Variants in MOBP observed in about 807,000 individuals in gnomAD.
MOBP encodes myelin-associated oligodendrocyte basic protein.
MOBP carries 5 observed loss-of-function variants against 15.0 expected under a neutral mutation model. That is an observed-to-expected ratio of 0.33 (90% CI 0.17 to 0.70). The LOEUF is 0.70. MOBP is among the 30% of genes least tolerant of loss of function. The pLI, the probability that MOBP is intolerant of heterozygous loss-of-function variation, is 0.67. For synonymous variants in MOBP, 88 were observed against 99.0 expected, an observed-to-expected ratio of 0.89 and a Z score of 0.66; for missense variants, 188 against 257.8, an observed-to-expected ratio of 0.73 and a Z score of 1.85.
chr3:39,514,278 C>T (rs909214923), exon 5 of MOBP: 4 of 152,330 alleles, frequency 2.6e-5, no homozygotes, highest in African/African-American at 9.7e-5. Context: ...GAATTGACTG[C>T]TTTCGAATTG....
intron 2 of MOBP, among the ~76,000 whole-genome samples, chr3:39,493,277 T>C (rs1045765517): frequency 3.3e-5 from 5 of 152,206 alleles, no homozygotes; most frequent in Admixed American, 1.3e-4. Flanking sequence ...AGTGGTTACA[T>C]AGAGCTTAAT....
intron 2 of MOBP, among the ~76,000 whole-genome samples, chr3:39,491,728 G>A (rs1263603882): frequency 6.6e-6 from 1 of 152,174 alleles, no homozygotes; most frequent in African/African-American, 2.4e-5. Context: ...TTGCCAGAGA[G>A]AAGGAGGAAG....
chr3:39,522,135 G>A (rs2043276785), intron 3 of MOBP, among the ~76,000 whole-genome samples: 1 of 152,176 alleles, frequency 6.6e-6, no homozygotes, highest in African/African-American at 2.4e-5. Context: ...CCCTCTAGTG[G>A]AATTCCTGTT....
downstream of MOBP, chr3:39,525,449 G>A (rs1460470316): frequency 6.6e-6 from 1 of 152,166 alleles, no homozygotes; most frequent in East Asian, 1.9e-4. Flanking sequence ...AGAATGTGGA[G>A]GGATGTAAAA....
At chr3:39,485,597 C>G (rs1264180086) in intron 2 of MOBP, among the ~76,000 whole-genome samples, 1 of 152,200 alleles carries the variant, frequency 6.6e-6, no homozygotes, top group African/African-American at 2.4e-5. Flanking sequence ...TCCAAAATAG[C>G]TCTTGTAGAA....
At chr3:39,519,229 T>C (rs1048594642), downstream of MOBP, among the ~76,000 whole-genome samples, 3 of 152,248 alleles carry the variant, frequency 2.0e-5, no homozygotes, top group African/African-American at 7.2e-5. Context: ...TCTTGAATTC[T>C]TTGTGAACAT....
downstream of MOBP, among the ~76,000 whole-genome samples, chr3:39,504,129 C>A (rs1304517930): frequency 6.6e-6 from 1 of 152,158 alleles, no homozygotes; most frequent in Non-Finnish European, 1.5e-5. Context: ...TAAAAAGGCA[C>A]AAGATTAGGC....
chr3:39,472,302 G>A (rs1481163470), intron 1 of MOBP, among the ~76,000 whole-genome samples: 1 of 152,176 alleles, frequency 6.6e-6, no homozygotes, highest in Non-Finnish European at 1.5e-5. Context: ...AGGGCAGTTG[G>A]TTAACCTATT....
downstream of MOBP, among the ~76,000 whole-genome samples, chr3:39,505,173 GC>G (rs1302216205): frequency 2.0e-5 from 3 of 152,178 alleles, no homozygotes; most frequent in Middle Eastern, 3.2e-3. Context: ...TATGTCCTGG[GC>G]CTCTTTTGGT....
chr3:39,508,431 A>G (rs1487086496), intron 4 of MOBP, among the ~76,000 whole-genome samples: 2 of 152,124 alleles, frequency 1.3e-5, no homozygotes, highest in Non-Finnish European at 2.9e-5. Flanking sequence ...CCACTGACCT[A>G]TCTTCTGTCC....
At chr3:39,486,097 C>T (rs1363921358) in intron 2 of MOBP, among the ~76,000 whole-genome samples, 1 of 152,092 alleles carries the variant, frequency 6.6e-6, no homozygotes, top group African/African-American at 2.4e-5. Context: ...AAAAGAGTCT[C>T]TATGATTTGC....
rs919348144 is a variant in MOBP at position 39,521,021 on chromosome 3, A to G, written c.*259-3222A>G. Among the ~76,000 whole-genome samples the G allele has an allele frequency of 2.0e-5, 3 of 151,226 alleles. No individual in the cohort carries two copies. In the South Asian group the frequency reaches 6.3e-4, roughly 32 times the overall value. On this transcript the variant is annotated intron_variant and NMD_transcript_variant, in intron 3 of 4. Coordinates refer to the MOBP transcript ENST00000424090. ...GAGTGCAGTGGCACAATCTCGGCTC[A>G]CTGCAACAACCTCTGCCTCCCAGGC...
chr3:39,491,817 G>A (rs2042799270), intron 2 of MOBP, among the ~76,000 whole-genome samples: 1 of 152,196 alleles, frequency 6.6e-6, no homozygotes, highest in Non-Finnish European at 1.5e-5. Flanking sequence ...TAAGGAGGCA[G>A]ATACTTGTTT....
intron 2 of MOBP, among the ~76,000 whole-genome samples, chr3:39,486,481 G>A (rs1243462134): frequency 1.3e-5 from 2 of 151,990 alleles, no homozygotes; most frequent in Admixed American, 6.6e-5. Flanking sequence ...TGTGATCCAT[G>A]CTACTATACA....
In MOBP at chr3:39,502,372, A is replaced by G. The variant is rs941158018; in HGVS notation, c.206+97A>G. On this transcript the variant is annotated intron_variant, in intron 3 of 3. Coordinates refer to ENST00000684792, the MANE Select transcript of MOBP (RefSeq NM_001393704.1). This position sits in a 1 kb window ranked among gnomAD's most constrained non-coding sequence, Gnocchi z 6.3. Reference sequence around the variant, plus strand: ...CGCTCCGCACCCCACTCTTCCCCCTAGTCGGCTCCGGGTTAGGCTCCGACA... The same window carrying G: ...CGCTCCGCACCCCACTCTTCCCCCTGGTCGGCTCCGGGTTAGGCTCCGACA... The G allele has an allele frequency of 2.6e-6, 4 of 1,566,628 alleles. No individual in the cohort carries two copies. The highest frequency in any genetic ancestry group is 3.5e-6 in the Non-Finnish European group (4 of 1,157,954).
intron 3 of MOBP, among the ~76,000 whole-genome samples, chr3:39,521,623 A>G (rs2125675746): frequency 6.6e-6 from 1 of 152,318 alleles, no homozygotes; most frequent in South Asian, 2.1e-4. Context: ...ACTCATCACA[A>G]GTGTTGCTGG....
intron 1 of MOBP, among the ~76,000 whole-genome samples, chr3:39,471,139 T>A (rs2042463442): frequency 6.6e-6 from 1 of 151,582 alleles, no homozygotes; most frequent in African/African-American, 2.4e-5. Context: ...GTCTTTTTTT[T>A]TTTTTTTGCG....
chr3:39,521,867 C>G (rs2043272261), intron 3 of MOBP, among the ~76,000 whole-genome samples: 1 of 152,196 alleles, frequency 6.6e-6, no homozygotes, highest in Non-Finnish European at 1.5e-5. Flanking sequence ...TCTCTTCCAC[C>G]CACATGGGGC....
At chr3:39,470,862 T>TTATGAA (rs1466202856) in intron 1 of MOBP, among the ~76,000 whole-genome samples, 1 of 152,226 alleles carries the variant, frequency 6.6e-6, no homozygotes, top group Non-Finnish European at 1.5e-5. Context: ...AGTTATTCAC[T>TTATGAA]AGTTCCTTAT....
Sources: allele counts gnomAD v4.1 joint callset (sites outside exome capture counted in the v4.1 genomes callset), GRCh38; gene constraint gnomAD v4.1.1; non-coding constraint Gnocchi (gnomAD v3.1); transcripts MANE v1.5; gene names NCBI Gene and HGNC (gene_info 2026-07-23, HGNC 2026-07-21).